SMIM14: variants seen among roughly 807,000 people sequenced by gnomAD.
SMIM14 encodes the protein small integral membrane protein 14, also known as chromosome 4 open reading frame 34.
Under a neutral mutation model 12.6 loss-of-function variants are expected in SMIM14, and 5 were observed. The observed-to-expected ratio is 0.40, with a 90% confidence interval of 0.21 to 0.83. SMIM14 has a LOEUF of 0.83. SMIM14 is among the 40% of genes least tolerant of loss of function. SMIM14 has a pLI of 0.37. For synonymous variants in SMIM14, 30 were observed against 40.1 expected (o/e 0.75, Z 0.95); for missense variants, 86 against 119.1 (o/e 0.72, Z 1.29).
intron 2 of SMIM14, among the ~76,000 whole-genome samples, chr4:39,597,797 C>T (rs1714435059): frequency 6.6e-6 from 1 of 152,068 alleles, no homozygotes; most frequent in Admixed American, 6.6e-5. Flanking sequence ...ACATCATGGT[C>T]CTTTTATTTT....
In SMIM14 at chr4:39,574,608, C is replaced by T. The variant is rs182553072; in HGVS notation, c.76-2145G>A. On this transcript the variant is annotated intron_variant, in intron 2 of 4. Transcript: ENST00000295958. ...TAACACCTCTAAGCTTCAGTTTCCT[C>T]GTCTGGTAAAATGAGGATATAATAT... 2.5e-3 allele frequency among the ~76,000 whole-genome samples: 379 copies of T among 152,214 alleles called. 2 individuals carry two copies. The highest frequency in any genetic ancestry group is 8.8e-3 in the African/African-American group (365 of 41,538).
intron 1 of SMIM14, among the ~76,000 whole-genome samples, chr4:39,632,654 C>G (rs980472365): frequency 1.3e-5 from 2 of 151,198 alleles, no homozygotes; most frequent in Admixed American, 6.6e-5. Context: ...ATTAGCCAGG[C>G]GTGGTCTCAG....
In SMIM14 at chr4:39,582,363, T is replaced by C. The variant is rs138348573; in HGVS notation, c.76-9900A>G. On this transcript the variant is annotated intron_variant, in intron 2 of 4. Coordinates refer to ENST00000295958, the MANE Select transcript of SMIM14 (RefSeq NM_174921.3). ...AAAAAAGGGGAAGAAGTGGATTCTT[T>C]TTGAATATGAAAGGGTCTTGGCCGG... 3.2e-3 allele frequency among the ~76,000 whole-genome samples: 482 copies of C among 152,190 alleles called. 3 individuals are homozygous for C. Among genetic ancestry groups the C allele is most frequent in the African/African-American group, 0.011 (455 of 41,552 alleles).
At chr4:39,569,183 C>T (rs529327810) in intron 3 of SMIM14, among the ~76,000 whole-genome samples, 3 of 152,256 alleles carry the variant, frequency 2.0e-5, no homozygotes, top group African/African-American at 7.2e-5. Context: ...GAGGGAACCA[C>T]CACCCATTGT....
At chr4:39,606,510 G>A (rs577249829) in intron 1 of SMIM14, among the ~76,000 whole-genome samples, 9 of 151,860 alleles carry the variant, frequency 5.9e-5, no homozygotes, top group South Asian at 4.2e-4. Flanking sequence ...GCGTGGTGGC[G>A]TGTGCTTGTA....
In SMIM14 at chr4:39,605,164, T is replaced by C. The variant is rs780200889; in HGVS notation, c.-19A>G. On this transcript the variant is annotated 5_prime_UTR_variant, in exon 2 of 5. Transcript: ENST00000295958. ...CTGCCATGATTACCCAGCTTGATTTTACTTGACTGTTTAAATCTAGGAGGA... is the reference window on the plus strand; with the variant it reads ...CTGCCATGATTACCCAGCTTGATTTCACTTGACTGTTTAAATCTAGGAGGA... 4 of 1,593,356 alleles carry C rather than the reference T, an allele frequency of 2.5e-6. No homozygotes were observed. The African/African-American group carries it at 5.4e-5, about 21-fold the overall frequency.
At position 39,551,038 on chromosome 4, in the gene SMIM14, T is replaced by G. The variant is rs1342382676; in HGVS notation, c.*1088A>C. 6.6e-6 allele frequency: 1 copy of G among 152,054 alleles called. No homozygotes were observed. The highest frequency in any genetic ancestry group is 1.9e-4 in the East Asian group (1 of 5,166). 9.4% of individuals were successfully genotyped at this position (152,054 alleles called of 1,614,324 possible). A position where few individuals can be genotyped will look rare whatever the true frequency, so the allele number is the denominator to read the frequency against. ...AATTCTCCTGCTTTGGCCTCCTGAG[T>G]AGCTGGGATTACAGGCACATGCACC... On this transcript the variant is annotated 3_prime_UTR_variant, in exon 5 of 5. Transcript: ENST00000295958.
intron 3 of SMIM14, among the ~76,000 whole-genome samples, chr4:39,561,999 C>T (rs561727670): frequency 6.6e-6 from 1 of 150,420 alleles, no homozygotes; most frequent in African/African-American, 2.4e-5. Flanking sequence ...TAATATGACT[C>T]GTAGTTCCCT....
At chr4:39,574,255 T>C (rs1476309233) in intron 2 of SMIM14, among the ~76,000 whole-genome samples, 1 of 150,496 alleles carries the variant, frequency 6.6e-6, no homozygotes, top group Non-Finnish European at 1.5e-5. Flanking sequence ...TTTTTTTTTT[T>C]TTCTTTTCTC....
At chr4:39,611,466 A>G (rs1715028403) in intron 1 of SMIM14, among the ~76,000 whole-genome samples, 1 of 151,646 alleles carries the variant, frequency 6.6e-6, no homozygotes, top group Admixed American at 6.6e-5. Context: ...AGATAGCACT[A>G]ATTCACTCCA....
chr4:39,565,563 A>G (rs530120797), intron 3 of SMIM14, among the ~76,000 whole-genome samples: 1 of 152,250 alleles, frequency 6.6e-6, no homozygotes, highest in African/African-American at 2.4e-5. Context: ...AGCCCAAGTG[A>G]TCTGCCTGCT....
chr4:39,592,376 T>C (rs1714149176), intron 2 of SMIM14, among the ~76,000 whole-genome samples: 1 of 151,814 alleles, frequency 6.6e-6, no homozygotes, highest in Non-Finnish European at 1.5e-5. Flanking sequence ...GTGCTGAGAT[T>C]ATGAGCATGA....
At chr4:39,581,335 A>G (rs1186797119) in intron 2 of SMIM14, among the ~76,000 whole-genome samples, 1 of 152,070 alleles carries the variant, frequency 6.6e-6, no homozygotes, top group Non-Finnish European at 1.5e-5. Context: ...GGAGTTTTAC[A>G]CAGTTTGTCT....
At chr4:39,601,923 G>A (rs1714629069) in intron 2 of SMIM14, among the ~76,000 whole-genome samples, 1 of 150,014 alleles carries the variant, frequency 6.7e-6, no homozygotes, top group African/African-American at 2.5e-5. Flanking sequence ...TTTCAGCCTG[G>A]GGGAAAAGAA....
rs1425813556 is a variant in SMIM14, at chr4:39,620,206, G to A, written c.-35-15026C>T. ...AAAAAAAAAAAAAATTCGGATGGGC[G>A]CTGTGGCTCACGCCTGTAATCCCAG... On this transcript the variant is annotated intron_variant, in intron 1 of 4. Coordinates refer to ENST00000295958, the MANE Select transcript of SMIM14 (RefSeq NM_174921.3). Among the ~76,000 whole-genome samples the A allele has an allele frequency of 9.9e-5, 15 of 150,968 alleles. No individual in the cohort carries two copies. The East Asian group carries it at 2.9e-3, about 29-fold the overall frequency.
intron 2 of SMIM14, among the ~76,000 whole-genome samples, chr4:39,574,859 C>G (rs1713083690): frequency 6.6e-6 from 1 of 151,998 alleles, no homozygotes; most frequent in Admixed American, 6.6e-5. Flanking sequence ...TGGAGCCAGG[C>G]CCGGTGGCTC....
intron 2 of SMIM14, among the ~76,000 whole-genome samples, chr4:39,602,744 T>C (rs1039415379): frequency 6.6e-6 from 1 of 152,174 alleles, no homozygotes; most frequent in Non-Finnish European, 1.5e-5. Context: ...GTATAAGTTC[T>C]TATTTTATTC....
intron 3 of SMIM14, among the ~76,000 whole-genome samples, chr4:39,562,967 T>G (rs1039586672): frequency 4.6e-5 from 7 of 152,038 alleles, no homozygotes; most frequent in Non-Finnish European, 7.4e-5. Flanking sequence ...TAGCTCAGCC[T>G]TTCCTCATAT....
intron 1 of SMIM14, among the ~76,000 whole-genome samples, chr4:39,615,779 T>C (rs1715201275): frequency 6.6e-6 from 1 of 152,322 alleles, no homozygotes; most frequent in East Asian, 1.9e-4. Flanking sequence ...AACTGGATCA[T>C]GGGTAACTGA....
Sources: allele counts gnomAD v4.1 joint callset (sites outside exome capture counted in the v4.1 genomes callset), GRCh38; gene constraint gnomAD v4.1.1; transcripts MANE v1.5; gene names NCBI Gene and HGNC (gene_info 2026-07-23, HGNC 2026-07-21).